The following AIG1 variants were observed in gnomAD, a reference collection of about 807,000 sequenced individuals.
AIG1 encodes the protein androgen induced 1, also known as androgen-induced gene 1 protein.
A neutral mutation model predicts 31.4 loss-of-function variants in AIG1; 23 were observed. That is an observed-to-expected ratio of 0.73 (90% CI 0.53 to 1.04). The LOEUF (loss-of-function observed/expected upper bound fraction) is 1.04, where lower values mean the gene tolerates loss of function less well. Among genes scored for constraint, AIG1 ranks in the 50% least tolerant of loss-of-function variants. AIG1 has a pLI of 0.00. For synonymous variants in AIG1, 100 were observed against 110.5 expected (o/e 0.90, Z 0.60); for missense variants, 274 against 295.0 (o/e 0.93, Z 0.52).
intron 2 of AIG1, among the ~76,000 whole-genome samples, chr6:143,140,319 A>G (rs1216212706): frequency 1.3e-5 from 2 of 152,162 alleles, no homozygotes; most frequent in South Asian, 2.1e-4. Context: ...CTATATCAGT[A>G]TTTTAACACA....
chr6:143,094,897 A>G (rs370486973), intron 1 of AIG1, among the ~76,000 whole-genome samples: 3 of 152,210 alleles, frequency 2.0e-5, no homozygotes, highest in Admixed American at 1.3e-4. Flanking sequence ...AATCCTCACT[A>G]TATTGAAAAA....
At chr6:143,310,426 T>G (rs1775171334) in intron 4 of AIG1, among the ~76,000 whole-genome samples, 1 of 151,728 alleles carries the variant, frequency 6.6e-6, no homozygotes, top group Non-Finnish European at 1.5e-5. Flanking sequence ...CAAGAGAAAT[T>G]TACAAATACT....
At chr6:143,312,417 A>G (rs1051580652) in intron 4 of AIG1, among the ~76,000 whole-genome samples, 2 of 152,052 alleles carry the variant, frequency 1.3e-5, no homozygotes, top group African/African-American at 4.8e-5. Flanking sequence ...GAACTGCAAT[A>G]AACCCATTTT....
intron 1 of AIG1, chr6:143,061,273 A>G (rs1287945448): frequency 1.4e-6 from 1 of 704,970 alleles, no homozygotes; most frequent in African/African-American, 1.8e-5. Context: ...ACTCACCGTT[A>G]CCTGGTAGCT....
intron 1 of AIG1, among the ~76,000 whole-genome samples, chr6:143,101,856 A>C (rs1780310906): frequency 6.6e-6 from 1 of 152,182 alleles, no homozygotes; most frequent in Admixed American, 6.5e-5. Flanking sequence ...AAAACAAGAA[A>C]ACAAACAAAA....
chr6:143,327,314 A>C lies in AIG1; in HGVS notation c.516-5968A>C, dbSNP rs998704965. On this transcript the variant is annotated intron_variant, in intron 4 of 5. Transcript: ENST00000357847. This position sits in a 1 kb window ranked among gnomAD's most constrained non-coding sequence, Gnocchi z 5.3. ...GAAGGATGGCAAGACAAAAAGGGCC[A>C]CTCTGCCATCAACAAGGTGGTGACC... 1 of 222,104 alleles carries C rather than the reference A, an allele frequency of 4.5e-6. No homozygotes were observed. Among genetic ancestry groups the C allele is most frequent in the African/African-American group, 2.3e-5 (1 of 42,702 alleles). The allele number at this position is 222,104 out of a possible 1,614,324, so 13.8% of individuals were successfully genotyped here. A position where few individuals can be genotyped will look rare whatever the true frequency, so the allele number is the denominator to read the frequency against.
Position 143,298,500 on chromosome 6 carries a change from C to A in AIG1, c.515+14275C>A, listed in dbSNP as rs11962852. Among the ~76,000 whole-genome samples the A allele has an allele frequency of 0.06, 9,076 of 152,250 alleles. 336 individuals carry two copies. Among genetic ancestry groups the A allele is most frequent in the African/African-American group, 0.094 (3,905 of 41,508 alleles). On this transcript the variant is annotated intron_variant, in intron 4 of 5. Coordinates refer to ENST00000357847, the MANE Select transcript of AIG1 (RefSeq NM_016108.4). This position sits in a 1 kb window ranked among gnomAD's most constrained non-coding sequence, Gnocchi z 5.1. The stretch of plus-strand genomic sequence containing the variant: ...GACAGGTATCTTTTTAAAAAGGCAT[C>A]TTCCAAGTAGATAAGTCTAATATAA...
At chr6:143,187,655 C>T in intron 3 of AIG1, 1 of 1,536,072 alleles carries the variant, frequency 6.5e-7, no homozygotes, top group Non-Finnish European at 8.7e-7. Flanking sequence ...GTTTTCTTGG[C>T]ACGCTTTTCA....
At chr6:143,089,987 G>A (rs1055682768) in intron 1 of AIG1, among the ~76,000 whole-genome samples, 2 of 152,186 alleles carry the variant, frequency 1.3e-5, no homozygotes, top group Non-Finnish European at 2.9e-5. Flanking sequence ...ATTAAGTATT[G>A]TACTTAATAA....
Position 143,288,545 on chromosome 6 carries a change from T to G in AIG1, c.515+4320T>G, listed in dbSNP as rs1022393044. On this transcript the variant is annotated intron_variant, in intron 4 of 5. Coordinates refer to ENST00000357847, the MANE Select transcript of AIG1 (RefSeq NM_016108.4). This position sits in a 1 kb window ranked among gnomAD's most constrained non-coding sequence, Gnocchi z 4.4. The stretch of plus-strand genomic sequence containing the variant: ...GATGTCTGTTGTCTCTGCACCCTAG[T>G]GGTTTTAAACAAATTCCATATTCCA... Among the ~76,000 whole-genome samples the G allele has an allele frequency of 1.1e-4, 16 of 152,224 alleles. No individual in the cohort carries two copies. The highest frequency in any genetic ancestry group is 9.2e-4 in the Admixed American group (14 of 15,286).
At chr6:143,222,459 C>T (rs1444948360) in intron 3 of AIG1, among the ~76,000 whole-genome samples, 1 of 151,822 alleles carries the variant, frequency 6.6e-6, no homozygotes, top group Non-Finnish European at 1.5e-5. Context: ...AGTAGTGTGG[C>T]GTGATAAGAA....
chr6:143,071,782 G>C (rs1367772740), intron 1 of AIG1, among the ~76,000 whole-genome samples: 1 of 147,860 alleles, frequency 6.8e-6, no homozygotes, highest in Non-Finnish European at 1.5e-5. Context: ...CTTTTCTTGT[G>C]TGTGTGTGTG....
At chr6:143,144,191 C>A (rs1281700360) in intron 2 of AIG1, among the ~76,000 whole-genome samples, 2 of 152,144 alleles carry the variant, frequency 1.3e-5, no homozygotes, top group Admixed American at 6.5e-5. Flanking sequence ...CACATAGATG[C>A]CCACTTTAAA....
intron 3 of AIG1, among the ~76,000 whole-genome samples, chr6:143,245,791 C>T (rs544957792): frequency 7.2e-5 from 11 of 152,260 alleles, no homozygotes; most frequent in East Asian, 3.9e-4. Flanking sequence ...CTTACAGCAA[C>T]GCATAGTTGG....
chr6:143,136,759 C>G, intron 1 of AIG1, 76 bp from the exon 2 acceptor site: 3 of 1,236,522 alleles, frequency 2.4e-6, no homozygotes, highest in Non-Finnish European at 3.2e-6. Context: ...ATGTTGTACA[C>G]CAGCAGCTCA....
intron 3 of AIG1, among the ~76,000 whole-genome samples, chr6:143,202,696 G>T (rs567797032): frequency 6.6e-6 from 1 of 152,072 alleles, no homozygotes; most frequent in African/African-American, 2.4e-5. Context: ...TCGTGCCCCT[G>T]GAATGGGAGA....
intron 3 of AIG1, among the ~76,000 whole-genome samples, chr6:143,196,485 G>A (rs1451080413): frequency 6.6e-6 from 1 of 151,964 alleles, no homozygotes; most frequent in Non-Finnish European, 1.5e-5. Context: ...GGATATTTAA[G>A]AGCTTTCAGA....
At chr6:143,131,931 T>C (rs1414128215) in intron 1 of AIG1, among the ~76,000 whole-genome samples, 4 of 152,204 alleles carry the variant, frequency 2.6e-5, no homozygotes, top group Non-Finnish European at 5.9e-5. Flanking sequence ...ATCCCCTCTA[T>C]TCTTTTGATG....
At chr6:143,097,363 A>G (rs1583165640) in intron 1 of AIG1, among the ~76,000 whole-genome samples, 2 of 152,030 alleles carry the variant, frequency 1.3e-5, no homozygotes, top group Admixed American at 1.3e-4. Context: ...GCATGGCCCA[A>G]CCTTATAAGC....
Sources: gnomAD v4.1 joint callset for allele counts (sites outside exome capture counted in the v4.1 genomes callset) on GRCh38, gnomAD v4.1.1 for gene constraint, Gnocchi (gnomAD v3.1) non-coding constraint, MANE v1.5 for transcripts, NCBI Gene and HGNC (gene_info 2026-07-23, HGNC 2026-07-21) for gene names.